ZCCHC7: variants seen among roughly 807,000 people sequenced by gnomAD.
ZCCHC7 encodes zinc finger CCHC domain-containing protein 7.
ZCCHC7 carries 35 observed loss-of-function variants against 52.0 expected under a neutral mutation model. The observed-to-expected ratio is 0.67, with a 90% CI of 0.51 to 0.89. ZCCHC7 has a LOEUF of 0.89. Ranked by LOEUF, ZCCHC7 falls within the 40% of genes least tolerant of loss-of-function variation. ZCCHC7 has a pLI of 0.00. For missense variants in ZCCHC7, 574 were observed against 649.1 expected (o/e 0.88, Z 1.26); for synonymous variants, 217 against 221.5 (o/e 0.98, Z 0.18).
intron 2 of ZCCHC7, among the ~76,000 whole-genome samples, chr9:37,146,191 T>G (rs899013881): frequency 6.6e-6 from 1 of 151,918 alleles, no homozygotes. Context: ...GCTGTAGTTT[T>G]TTGGTACCTA....
At chr9:37,226,252 G>T (rs1320280917) in intron 2 of ZCCHC7, among the ~76,000 whole-genome samples, 1 of 152,080 alleles carries the variant, frequency 6.6e-6, no homozygotes, top group Non-Finnish European at 1.5e-5. Context: ...TAACACTTTT[G>T]CAGTGAACAC....
chr9:37,270,804 T>TA (rs146215816), intron 2 of ZCCHC7, among the ~76,000 whole-genome samples: 89,194 of 146,534 alleles, frequency 0.61, 27,660 homozygotes, highest in East Asian at 0.81. Context: ...TTTCCAGCAA[T>TA]AATAAAAAAA....
chr9:37,235,865 G>T (rs554406691), intron 2 of ZCCHC7, among the ~76,000 whole-genome samples: 1 of 151,906 alleles, frequency 6.6e-6, no homozygotes, highest in East Asian at 1.9e-4. Context: ...TGGGATTACA[G>T]GTGTGAGCCA....
At chr9:37,251,134 G>A (rs1826309863) in intron 2 of ZCCHC7, among the ~76,000 whole-genome samples, 1 of 152,116 alleles carries the variant, frequency 6.6e-6, no homozygotes, top group South Asian at 2.1e-4. Flanking sequence ...AATTTAATGT[G>A]TTCAGTAAGC....
At chr9:37,179,939 G>C (rs1265142573) in intron 2 of ZCCHC7, among the ~76,000 whole-genome samples, 1 of 152,118 alleles carries the variant, frequency 6.6e-6, no homozygotes, top group East Asian at 1.9e-4. Flanking sequence ...ATAAATTTAA[G>C]TCAAGTGCAT....
rs1820653343 is a variant in ZCCHC7, at chr9:37,341,776, TA to T, written c.988-7578del. Among the ~76,000 whole-genome samples the T allele has an allele frequency of 2.0e-5, 3 of 152,102 alleles. No homozygotes were observed. In the South Asian group the frequency reaches 6.2e-4, roughly 32 times the overall value. On this transcript the variant is annotated intron_variant, in intron 6 of 8. Coordinates refer to ENST00000336755, the MANE Select transcript of ZCCHC7 (RefSeq NM_032226.3). ...AAGGAAGTGAAGGAGTGCACTATATTAAATCTGGGAGAAGAGTGATGCAGGC... is the reference window on the plus strand; with the variant it reads ...AAGGAAGTGAAGGAGTGCACTATATTAATCTGGGAGAAGAGTGATGCAGGC...
intron 5 of ZCCHC7, among the ~76,000 whole-genome samples, chr9:37,308,977 A>C (rs369091717): frequency 0.053 from 6,811 of 127,376 alleles, 563 homozygotes; most frequent in African/African-American, 0.2. Flanking sequence ...GAAAGTCTGT[A>C]TCCAAAAAAA....
At chr9:37,233,818 G>T (rs912499395) in intron 2 of ZCCHC7, among the ~76,000 whole-genome samples, 1 of 152,150 alleles carries the variant, frequency 6.6e-6, no homozygotes, top group Admixed American at 6.5e-5. Context: ...AAAAAAGAAG[G>T]TAAGGAAGTG....
chr9:37,318,278 A>G (rs988321749), intron 5 of ZCCHC7, among the ~76,000 whole-genome samples: 4 of 152,020 alleles, frequency 2.6e-5, no homozygotes, highest in Non-Finnish European at 4.4e-5. Flanking sequence ...CCTGGACAAC[A>G]TGGTGAAACC....
intron 5 of ZCCHC7, among the ~76,000 whole-genome samples, chr9:37,316,766 A>G (rs1829841147): frequency 6.6e-6 from 1 of 152,020 alleles, no homozygotes; most frequent in Non-Finnish European, 1.5e-5. Context: ...CCAAAACTTG[A>G]TGGTCTCTCA....
chr9:37,277,620 T>C (rs1399863246), intron 2 of ZCCHC7, among the ~76,000 whole-genome samples: 1 of 152,236 alleles, frequency 6.6e-6, no homozygotes, highest in Non-Finnish European at 1.5e-5. Flanking sequence ...TAGTATTTTA[T>C]GCTTGAGGGC....
intron 6 of ZCCHC7, among the ~76,000 whole-genome samples, chr9:37,346,715 C>T (rs547743134): frequency 1.4e-4 from 22 of 152,234 alleles, no homozygotes; most frequent in Admixed American, 3.9e-4. Flanking sequence ...GTGGCTCATG[C>T]CTGCAGTCTC....
At chr9:37,143,196 T>C (rs1412073592) in intron 2 of ZCCHC7, among the ~76,000 whole-genome samples, 1 of 151,858 alleles carries the variant, frequency 6.6e-6, no homozygotes, top group East Asian at 1.9e-4. Context: ...GTTCTTCCTC[T>C]TCCTTTTTTC....
chr9:37,227,105 C>G (rs1266525233), intron 2 of ZCCHC7, among the ~76,000 whole-genome samples: 2 of 150,392 alleles, frequency 1.3e-5, no homozygotes, highest in African/African-American at 4.9e-5. Context: ...AAGGCACAAG[C>G]TATAAAAAGA....
intron 5 of ZCCHC7, 126 bp downstream of exon 5, chr9:37,305,840 TATA>T: frequency 1.2e-6 from 1 of 845,108 alleles, no homozygotes; most frequent in Non-Finnish European, 1.8e-6. Flanking sequence ...GAGATATATA[TATA>T]TATATATAGT....
intron 2 of ZCCHC7, 100 bp downstream of exon 2, chr9:37,127,042 C>T: frequency 3.5e-6 from 5 of 1,428,126 alleles, no homozygotes; most frequent in Non-Finnish European, 4.7e-6. Flanking sequence ...CGTTTAATTC[C>T]TCACTTTTTG....
intron 2 of ZCCHC7, among the ~76,000 whole-genome samples, chr9:37,171,062 A>G (rs1326373714): frequency 1.3e-5 from 2 of 152,192 alleles, no homozygotes; most frequent in African/African-American, 4.8e-5. Context: ...TTGTAATAGT[A>G]TGGTTGACAG....
intron 2 of ZCCHC7, among the ~76,000 whole-genome samples, chr9:37,232,611 G>A (rs549296075): frequency 6.6e-6 from 1 of 152,116 alleles, no homozygotes; most frequent in East Asian, 1.9e-4. Flanking sequence ...TTAAATGACT[G>A]GGAAAAAAAT....
intron 6 of ZCCHC7, among the ~76,000 whole-genome samples, chr9:37,346,647 C>T (rs367962749): frequency 7.9e-5 from 12 of 152,192 alleles, no homozygotes; most frequent in African/African-American, 2.9e-4. Context: ...TGCACTCCAG[C>T]CTGAGCGACA....
Sources: gnomAD v4.1 joint callset for allele counts (sites outside exome capture counted in the v4.1 genomes callset) on GRCh38, gnomAD v4.1.1 for gene constraint, MANE v1.5 for transcripts, NCBI Gene and HGNC (gene_info 2026-07-23, HGNC 2026-07-21) for gene names.